The following CTNND2 variants were observed in gnomAD, a reference collection of about 807,000 sequenced individuals.
CTNND2 encodes catenin delta 2.
In CTNND2, 22 loss-of-function variants were observed where a neutral mutation model predicts 144.4. That is an observed-to-expected ratio of 0.15 (90% CI 0.11 to 0.22). CTNND2 has a LOEUF of 0.22. Among genes scored for constraint, CTNND2 ranks in the 10% least tolerant of loss-of-function variants. CTNND2 has a pLI of 1.00. For synonymous variants in CTNND2, 751 were observed against 695.6 expected, an observed-to-expected ratio of 1.08 and a Z score of -1.25; for missense variants, 1,353 against 1,618.8, an observed-to-expected ratio of 0.84 and a Z score of 2.82.
intron 9 of CTNND2, among the ~76,000 whole-genome samples, chr5:11,325,963 A>G (rs78513405): frequency 0.026 from 3,889 of 152,304 alleles, 63 homozygotes; most frequent in Admixed American, 0.05. Context: ...TAACTGTAGT[A>G]CATTTAAATG....
At chr5:11,485,197 A>T (rs1478086739) in intron 3 of CTNND2, among the ~76,000 whole-genome samples, 1 of 152,222 alleles carries the variant, frequency 6.6e-6, no homozygotes, top group Non-Finnish European at 1.5e-5. Flanking sequence ...GGTGAAAGAA[A>T]CATAAAAACA....
At chr5:11,675,917 T>G (rs533356457) in intron 2 of CTNND2, among the ~76,000 whole-genome samples, 15 of 151,820 alleles carry the variant, frequency 9.9e-5, no homozygotes, top group Admixed American at 9.8e-4. Flanking sequence ...ATATGCTTCA[T>G]GAAGTTCTCA....
At chr5:11,124,924 C>G (rs186086304) in intron 12 of CTNND2, among the ~76,000 whole-genome samples, 1 of 152,190 alleles carries the variant, frequency 6.6e-6, no homozygotes, top group African/African-American at 2.4e-5. Context: ...GTTTGAGCAG[C>G]CCCTGCTTGG....
chr5:11,113,626 AT>A (rs1272915043), intron 13 of CTNND2, among the ~76,000 whole-genome samples: 1 of 152,190 alleles, frequency 6.6e-6, no homozygotes, highest in Admixed American at 6.5e-5. Context: ...GCCAAGTTTT[AT>A]TTGAAGAATC....
chr5:11,153,277 A>T (rs72730911), intron 12 of CTNND2, among the ~76,000 whole-genome samples: 61,901 of 151,906 alleles, frequency 0.41, 13,588 homozygotes, highest in Admixed American at 0.52. Flanking sequence ...AATAAAAAAA[A>T]AGGGTGCTGA....
chr5:10,984,439 T>TTTAGAAC (rs1271803477), intron 20 of CTNND2, among the ~76,000 whole-genome samples: 7 of 152,278 alleles, frequency 4.6e-5, no homozygotes, highest in Non-Finnish European at 8.8e-5. Flanking sequence ...TTTAGAACGT[T>TTTAGAAC]TGCACTATTG....
At chr5:11,588,866 T>G in intron 2 of CTNND2, 5 of 985,430 alleles carry the variant, frequency 5.1e-6, no homozygotes, top group Non-Finnish European at 6.0e-6. Context: ...AGGCGGTTCC[T>G]GGCATCCTAC....
chr5:11,505,454 C>T (rs1770943700), intron 3 of CTNND2, among the ~76,000 whole-genome samples: 1 of 152,120 alleles, frequency 6.6e-6, no homozygotes, highest in Non-Finnish European at 1.5e-5. Flanking sequence ...TTAATGTTTG[C>T]AAGTAACACA....
chr5:11,123,494 C>T (rs1754351806), intron 12 of CTNND2, among the ~76,000 whole-genome samples: 1 of 152,204 alleles, frequency 6.6e-6, no homozygotes, highest in South Asian at 2.1e-4. Flanking sequence ...GGACTGCCCC[C>T]ACCACAAGGC....
Position 10,988,372 on chromosome 5 carries a change from CTTTTTAA to C in CTNND2, c.3212-137_3212-131del. On this transcript the variant is annotated intron_variant, in intron 19 of 21. Transcript: ENST00000304623. This position sits in a 1 kb window ranked among gnomAD's most constrained non-coding sequence, Gnocchi z 5.9. ...CCTACGTGAGGACCTGATGGGTTTT[CTTTTTAA>C]TTTTTATTTTTTGGCAGTTTTGGCT... 2 of 1,164,496 alleles carry C rather than the reference CTTTTTAA, an allele frequency of 1.7e-6. No homozygotes were observed. The highest frequency in any genetic ancestry group is 2.4e-6 in the Non-Finnish European group (2 of 833,626). The allele number at this position is 1,164,496 out of a possible 1,614,324, so 72.1% of individuals were successfully genotyped here. A position where few individuals can be genotyped will look rare whatever the true frequency, so the allele number is the denominator to read the frequency against.
chr5:11,198,569 C>T lies in CTNND2; in HGVS notation c.1975+879G>A, dbSNP rs58126744. The stretch of plus-strand genomic sequence containing the variant: ...TTTTAGAGTTAAGACAGAAGGTCGA[C>T]GGAATCACAGATGATTAAAAGATCT... On this transcript the variant is annotated intron_variant, in intron 11 of 21. Coordinates refer to ENST00000304623, the MANE Select transcript of CTNND2 (RefSeq NM_001332.4). 4.6e-3 allele frequency among the ~76,000 whole-genome samples: 703 copies of T among 152,298 alleles called. 7 individuals carry two copies. Among genetic ancestry groups the T allele is most frequent in the African/African-American group, 0.016 (679 of 41,574 alleles).
At chr5:11,649,286 C>T (rs1782526454) in intron 2 of CTNND2, among the ~76,000 whole-genome samples, 1 of 152,072 alleles carries the variant, frequency 6.6e-6, no homozygotes, top group Non-Finnish European at 1.5e-5. Context: ...TAACATACCA[C>T]TTTCATTAAA....
At chr5:11,132,212 A>G (rs1356011837) in intron 12 of CTNND2, among the ~76,000 whole-genome samples, 1 of 152,194 alleles carries the variant, frequency 6.6e-6, no homozygotes, top group Non-Finnish European at 1.5e-5. Flanking sequence ...CTAAGTACTT[A>G]GAAGAGGGAG....
At chr5:11,631,261 G>T (rs540869933) in intron 2 of CTNND2, among the ~76,000 whole-genome samples, 3 of 152,056 alleles carry the variant, frequency 2.0e-5, no homozygotes, top group Non-Finnish European at 4.4e-5. Context: ...GATAAGCCAG[G>T]TTTCTGTACA....
At chr5:11,624,104 C>T (rs1029811175) in intron 2 of CTNND2, among the ~76,000 whole-genome samples, 3 of 151,812 alleles carry the variant, frequency 2.0e-5, no homozygotes, top group Admixed American at 6.6e-5. Flanking sequence ...CAGACTAATA[C>T]ACTCGTTAAT....
At chr5:11,713,933 GC>G (rs1786187079) in intron 2 of CTNND2, among the ~76,000 whole-genome samples, 1 of 146,930 alleles carries the variant, frequency 6.8e-6, no homozygotes, top group African/African-American at 2.6e-5. Context: ...ACTGGGGACA[GC>G]AGGGGGGCGG....
intron 6 of CTNND2, among the ~76,000 whole-genome samples, chr5:11,389,182 G>A (rs1759385714): frequency 6.6e-6 from 1 of 152,038 alleles, no homozygotes; most frequent in African/African-American, 2.4e-5. Context: ...CAGCCTCGAG[G>A]GCAACTTTAT....
chr5:11,536,966 G>A (rs543113106), intron 3 of CTNND2, among the ~76,000 whole-genome samples: 1 of 152,166 alleles, frequency 6.6e-6, no homozygotes, highest in South Asian at 2.1e-4. Flanking sequence ...TTCCAGATCT[G>A]CAGTATTGGT....
At chr5:11,515,245 C>T (rs1224600873) in intron 3 of CTNND2, among the ~76,000 whole-genome samples, 1 of 152,058 alleles carries the variant, frequency 6.6e-6, no homozygotes, top group African/African-American at 2.4e-5. Context: ...AATATCAGTC[C>T]ATTCATTTCC....
Sources: gnomAD v4.1 joint callset for allele counts (sites outside exome capture counted in the v4.1 genomes callset) on GRCh38, gnomAD v4.1.1 for gene constraint, Gnocchi (gnomAD v3.1) non-coding constraint, MANE v1.5 for transcripts, NCBI Gene and HGNC (gene_info 2026-07-23, HGNC 2026-07-21) for gene names.